The following FBLN1 variants were observed in gnomAD, a reference collection of about 807,000 sequenced individuals.
FBLN1 encodes fibulin-1.
A neutral mutation model predicts 89.7 loss-of-function variants in FBLN1; 34 were observed. The observed-to-expected ratio is 0.38, with a 90% CI of 0.29 to 0.50. The LOEUF is 0.50. FBLN1 is among the 20% of genes least tolerant of loss of function. The probability of loss-of-function intolerance (pLI) is 0.92; values close to 1 mark genes in which losing one functional copy is unlikely to be tolerated. For missense variants in FBLN1, 777 were observed against 988.1 expected, an observed-to-expected ratio of 0.79 and a Z score of 2.86; for synonymous variants, 393 against 391.3, an observed-to-expected ratio of 1.00 and a Z score of -0.05.
At chr22:45,547,338 C>T in intron 12 of FBLN1, 134 bp downstream of exon 12, 6 of 1,175,732 alleles carry the variant, frequency 5.1e-6, no homozygotes, top group Non-Finnish European at 6.1e-6. Flanking sequence ...CCTTCCATGT[C>T]CACCCTTGGA....
In FBLN1 at chr22:45,579,742, C is replaced by T. The variant is rs1433572955; in HGVS notation, c.1972+2634C>T. On this transcript the variant is annotated intron_variant, in intron 16 of 16. Coordinates refer to ENST00000327858, the MANE Select transcript of FBLN1 (RefSeq NM_006486.3). This position sits in a 1 kb window ranked among gnomAD's most constrained non-coding sequence, Gnocchi z 5.5. ...GGCTGCATTGCTGGCTGGCTCCTGT[C>T]TCTGTCCCCACTGCGCTGATCTTAT... 6.6e-6 allele frequency among the ~76,000 whole-genome samples: 1 copy of T among 152,206 alleles called. No individual in the cohort carries two copies. Among genetic ancestry groups the T allele is most frequent in the Non-Finnish European group, 1.5e-5 (1 of 68,036 alleles).
In FBLN1 at chr22:45,532,160, T is replaced by G. The variant is rs541945286; in HGVS notation, c.544+836T>G. Among the ~76,000 whole-genome samples, 40 of 152,290 alleles carry G rather than the reference T, an allele frequency of 2.6e-4. No individual in the cohort carries two copies. Among genetic ancestry groups the G allele is most frequent in the Admixed American group, 2.0e-3 (31 of 15,290 alleles). ...TAATTCTTAAATGATGCAGTCAGTG[T>G]ACAGTGACAGTTGGTCCAGGGGCGC... On this transcript the variant is annotated intron_variant, in intron 5 of 16. Transcript: ENST00000327858. The surrounding 1 kb of genome is among the most constrained non-coding windows in gnomAD (Gnocchi z 4.2).
rs766818305 is a variant in FBLN1, at chr22:45,543,540, C to T, written c.1321+14C>T. On this transcript the variant is annotated intron_variant, in intron 11 of 16. Coordinates refer to ENST00000327858, the MANE Select transcript of FBLN1 (RefSeq NM_006486.3). ...GGTCATGTGAAGGTGAGGCTGGGGC[C>T]CCGTCCACTCACCTCCCCCAGGTCA... 11 of 1,611,642 alleles carry T rather than the reference C, an allele frequency of 6.8e-6. 1 individual carries two copies. The South Asian group carries it at 1.1e-4, about 16-fold the overall frequency.
intron 2 of FBLN1, among the ~76,000 whole-genome samples, chr22:45,521,950 A>G (rs564114950): frequency 6.6e-6 from 1 of 152,132 alleles, no homozygotes; most frequent in Non-Finnish European, 1.5e-5. Flanking sequence ...AACAGGGATC[A>G]CTGACCACCT....
At chr22:45,511,990 C>T (rs954311259) in intron 1 of FBLN1, among the ~76,000 whole-genome samples, 2 of 152,088 alleles carry the variant, frequency 1.3e-5, no homozygotes, top group African/African-American at 2.4e-5. Flanking sequence ...GAAACTCCTC[C>T]GAAACAACAG....
chr22:45,525,550 C>T lies in FBLN1; in HGVS notation c.193C>T (p.Gln65Ter). 1 of 1,549,312 alleles carries T rather than the reference C, an allele frequency of 6.5e-7. No individual in the cohort carries two copies. Among genetic ancestry groups the T allele is most frequent in the Non-Finnish European group, 8.7e-7 (1 of 1,146,796 alleles). ...CCCACCCCTCACCCACAGGATGGTGCAGGAGCAGTGCTGCCACAGCCAGCT... is the reference window on the plus strand; with the variant it reads ...CCCACCCCTCACCCACAGGATGGTGTAGGAGCAGTGCTGCCACAGCCAGCT... ...ATESKECRMVQEQCCHSQLEE... is the reference protein window; with the variant it reads ...ATESKECRMV The change falls in exon 3 of 17, where the codon CAG becomes TAG. Residue 65 changes from glutamine (Q) to a stop codon, truncating the protein, a stop_gained. Coordinates refer to ENST00000327858, the MANE Select transcript of FBLN1 (RefSeq NM_006486.3). LOFTEE classifies it high-confidence loss of function.
intron 9 of FBLN1, 143 bp from the exon 10 acceptor site, chr22:45,542,012 G>A: frequency 7.8e-7 from 1 of 1,279,670 alleles, no homozygotes; most frequent in Non-Finnish European, 1.1e-6. Flanking sequence ...CCGGCACTCA[G>A]TAGGTGCTCT....
chr22:45,515,908 A>G (rs2088163546), intron 1 of FBLN1, among the ~76,000 whole-genome samples: 1 of 152,208 alleles, frequency 6.6e-6, no homozygotes, highest in Non-Finnish European at 1.5e-5. Context: ...TTGGCTCCAA[A>G]GCTTACACTG....
At position 45,509,837 on chromosome 22, in the gene FBLN1, C is replaced by T. The variant is rs141969604; in HGVS notation, c.79+6773C>T. ...TTCGGTTCCTTGGTTCTGGACACCA[C>T]GGAGGCCACTCCAACTCTTTGCTGT... On this transcript the variant is annotated intron_variant, in intron 1 of 16. Coordinates refer to ENST00000327858, the MANE Select transcript of FBLN1 (RefSeq NM_006486.3). 3.6e-3 allele frequency among the ~76,000 whole-genome samples: 554 copies of T among 152,064 alleles called. 4 individuals are homozygous for T. Among genetic ancestry groups the T allele is most frequent in the African/African-American group, 0.013 (526 of 41,464 alleles).
intron 14 of FBLN1, among the ~76,000 whole-genome samples, chr22:45,552,323 A>C (rs1187120626): frequency 6.6e-6 from 1 of 152,106 alleles, no homozygotes. Flanking sequence ...ATGTGCGGTG[A>C]AATGGGGAGT....
At chr22:45,522,896 C>T (rs1200399090) in intron 2 of FBLN1, among the ~76,000 whole-genome samples, 1 of 152,162 alleles carries the variant, frequency 6.6e-6, no homozygotes, top group African/African-American at 2.4e-5. Flanking sequence ...TGCCAGGCTC[C>T]GTTCTGGTGA....
rs986671493 is a variant in FBLN1 at position 45,597,765 on chromosome 22, A to G, written c.1973-2542A>G. Among the ~76,000 whole-genome samples the G allele has an allele frequency of 2.0e-5, 3 of 152,224 alleles. No homozygotes were observed. The highest frequency in any genetic ancestry group is 4.4e-5 in the Non-Finnish European group (3 of 68,038). ...GGTAGCAGGCAGAGCAAGGGTGCTG[A>G]CAGCCTGCAGAAGCCTGTGCTTATC... is the stretch of plus-strand genomic sequence containing the variant. On this transcript the variant is annotated intron_variant, in intron 16 of 16. Coordinates refer to ENST00000327858, the MANE Select transcript of FBLN1 (RefSeq NM_006486.3). The surrounding 1 kb of genome is among the most constrained non-coding windows in gnomAD (Gnocchi z 4.2).
At chr22:45,541,019 G>A (rs2088548921) in intron 8 of FBLN1, among the ~76,000 whole-genome samples, 1 of 152,262 alleles carries the variant, frequency 6.6e-6, no homozygotes, top group Non-Finnish European at 1.5e-5. Flanking sequence ...AGGAAGAAGG[G>A]CCAGAGAGGT....
chr22:45,542,364 G>A (rs912849885), intron 10 of FBLN1, 81 bp downstream of exon 10: 12 of 1,565,016 alleles, frequency 7.7e-6, no homozygotes, highest in Non-Finnish European at 8.8e-6. Flanking sequence ...CTCGAGTGAT[G>A]TGGTCTGATC....
At chr22:45,586,302 C>A (rs1253013624) in intron 16 of FBLN1, among the ~76,000 whole-genome samples, 1 of 152,214 alleles carries the variant, frequency 6.6e-6, no homozygotes, top group Non-Finnish European at 1.5e-5. Context: ...CCGCTCAGCA[C>A]CCCCTGCCGT....
intron 14 of FBLN1, among the ~76,000 whole-genome samples, chr22:45,552,772 C>G (rs938970915): frequency 9.2e-5 from 14 of 152,324 alleles, no homozygotes; most frequent in Admixed American, 7.8e-4. Context: ...ACCCAGGAAG[C>G]TGGGCCGCAA....
At chr22:45,548,549 G>T in intron 12 of FBLN1, 64 bp from the exon 13 acceptor site, 2 of 1,606,854 alleles carry the variant, frequency 1.2e-6, no homozygotes, top group Non-Finnish European at 1.7e-6. Context: ...GGGCGATGTA[G>T]CATGGCCAGC....
At position 45,532,995 on chromosome 22, in the gene FBLN1, G is replaced by C. The variant is rs2146968681; in HGVS notation, c.545-68G>C. The C allele has an allele frequency of 6.8e-7, 1 of 1,464,158 alleles. No homozygotes were observed. The highest frequency in any genetic ancestry group is 2.3e-5 in the East Asian group (1 of 44,114). 90.7% of individuals were successfully genotyped at this position (1,464,158 alleles called of 1,614,324 possible). On this transcript the variant is annotated intron_variant, in intron 5 of 16. Transcript: ENST00000327858. This position sits in a 1 kb window ranked among gnomAD's most constrained non-coding sequence, Gnocchi z 4.2. Reference sequence around the variant, plus strand: ...GAGGGCGTTTTCTATGACCCAGCCTGAACGGAGCTAGAAACCAGGCGGTGC... The same window carrying C: ...GAGGGCGTTTTCTATGACCCAGCCTCAACGGAGCTAGAAACCAGGCGGTGC...
In FBLN1 at chr22:45,596,602, T is replaced by TTATTATA. The variant is rs1569270555; in HGVS notation, c.1973-3703_1973-3702insTTATATA. The stretch of plus-strand genomic sequence containing the variant: ...TACATATATCAACATAAGAATATGA[T>TTATTATA]TACTATATACATATATCAACATAAT... On this transcript the variant is annotated intron_variant, in intron 16 of 16. Coordinates refer to ENST00000327858, the MANE Select transcript of FBLN1 (RefSeq NM_006486.3). Among the ~76,000 whole-genome samples the TTATTATA allele has an allele frequency of 8.4e-4, 125 of 149,068 alleles. 1 individual carries two copies. The highest frequency in any genetic ancestry group is 2.8e-3 in the African/African-American group (115 of 40,844).
Sources: gnomAD v4.1 joint callset for allele counts (sites outside exome capture counted in the v4.1 genomes callset) on GRCh38, gnomAD v4.1.1 for gene constraint, Gnocchi (gnomAD v3.1) non-coding constraint, MANE v1.5 for transcripts, NCBI Gene and HGNC (gene_info 2026-07-23, HGNC 2026-07-21) for gene names.